Variants in PHF6 observed in about 807,000 individuals in gnomAD.
PHF6 encodes the protein PHD-like zinc finger protein.
In PHF6, 7 loss-of-function variants were observed where a neutral mutation model predicts 34.0. The observed-to-expected ratio is 0.21, with a 90% CI of 0.12 to 0.39. The LOEUF (loss-of-function observed/expected upper bound fraction) is 0.39. Ranked by LOEUF, PHF6 falls within the 10% of genes least tolerant of loss-of-function variation. PHF6 has a pLI of 1.00. For synonymous variants in PHF6, 89 were observed against 88.4 expected (o/e 1.01, Z -0.04); for missense variants, 128 against 262.8 (o/e 0.49, Z 3.55).
intron 3 of PHF6, among the ~76,000 whole-genome samples, chrX:134,387,002 A>AT (rs1242042079): frequency 9.0e-6 from 1 of 111,667 alleles, no homozygotes; most frequent in East Asian, 2.8e-4. Flanking sequence ...CTTCCTGAAG[A>AT]TTTATTCAGT....
At chrX:134,416,121 G>A (rs567615626) in intron 8 of PHF6, among the ~76,000 whole-genome samples, 72 of 109,270 alleles carry the variant, frequency 6.6e-4, no homozygotes, top group African/African-American at 2.3e-3. Flanking sequence ...CAACACGCCT[G>A]GATAATTTTT....
intron 5 of PHF6, among the ~76,000 whole-genome samples, chrX:134,399,108 T>C (rs1414410491): frequency 1.8e-5 from 2 of 111,225 alleles, no homozygotes; most frequent in African/African-American, 6.5e-5. Flanking sequence ...GTCAGATTAG[T>C]GTTACATCCT....
chrX:134,410,428 A>G (rs2077445002), intron 5 of PHF6, among the ~76,000 whole-genome samples: 1 of 111,299 alleles, frequency 9.0e-6, no homozygotes. Context: ...ATGATATATC[A>G]CTTAATTTGC....
chrX:134,411,290 A>G (rs1426324337), intron 5 of PHF6, among the ~76,000 whole-genome samples: 1 of 111,395 alleles, frequency 9.0e-6, no homozygotes, highest in African/African-American at 3.3e-5. Context: ...TTCAGTTTGA[A>G]AGTCTAATAT....
chrX:134,409,462 T>C (rs948586226), intron 5 of PHF6, among the ~76,000 whole-genome samples: 1 of 111,620 alleles, frequency 9.0e-6, no homozygotes, highest in African/African-American at 3.3e-5. Flanking sequence ...TATTCTTTTT[T>C]TCATCTTGTG....
At chrX:134,415,744 CAT>C (rs1384332699) in intron 8 of PHF6, among the ~76,000 whole-genome samples, 1 of 111,050 alleles carries the variant, frequency 9.0e-6, no homozygotes, top group Non-Finnish European at 1.9e-5. Flanking sequence ...AGCCTAGTAA[CAT>C]GTATCTATCC....
intron 3 of PHF6, among the ~76,000 whole-genome samples, chrX:134,386,414 A>ATTTT (rs35350115): frequency 2.1e-5 from 2 of 94,736 alleles, no homozygotes; most frequent in Admixed American, 1.2e-4. Context: ...TTCCCAGATG[A>ATTTT]TTTTTTTTTT....
intron 5 of PHF6, among the ~76,000 whole-genome samples, chrX:134,403,351 CATT>C (rs2077410470): frequency 8.9e-6 from 1 of 112,099 alleles, no homozygotes; most frequent in African/African-American, 3.2e-5. Flanking sequence ...CCAGCCACAA[CATT>C]CCCTTAAGCC....
chrX:134,413,253 TA>T (rs372259751), intron 5 of PHF6, among the ~76,000 whole-genome samples: 14 of 110,002 alleles, frequency 1.3e-4, no homozygotes, highest in African/African-American at 3.0e-4. Flanking sequence ...AAACCTATGG[TA>T]AAAAAAAATA....
At chrX:134,410,186 TC>T (rs759592668) in intron 5 of PHF6, among the ~76,000 whole-genome samples, 1 of 111,754 alleles carries the variant, frequency 8.9e-6, no homozygotes, top group Non-Finnish European at 1.9e-5. Context: ...AAATAGTAGT[TC>T]CGTTTTATGT....
rs746211493 is a variant in PHF6, at chrX:134,425,116, G to A, written c.969-85G>A. On this transcript the variant is annotated intron_variant, in intron 9 of 10. Coordinates refer to ENST00000370803, the MANE Select transcript of PHF6 (RefSeq NM_001015877.2). ...ATGAGGAAACCCATGTTTTAAATGG[G>A]CACTAGCCTCATCCACTAATGTTGG... The A allele has an allele frequency of 7.3e-6, 8 of 1,102,796 alleles. No individual in the cohort carries two copies. In the East Asian group the frequency reaches 9.1e-5, roughly 12 times the overall value. 90.9% of individuals were successfully genotyped at this position (1,102,796 alleles called of 1,213,427 possible). A position where few individuals can be genotyped will look rare whatever the true frequency, so the allele number is the denominator to read the frequency against.
Position 134,413,785 on chromosome X carries a change from G to T in PHF6, c.586-38G>T, listed in dbSNP as rs2077461026. The T allele has an allele frequency of 4.1e-6, 5 of 1,206,865 alleles. No individual in the cohort carries two copies. The Admixed American group carries it at 6.6e-5, about 16-fold the overall frequency. ...TGAAATACCGATAGCATATTTTCATGATTTTTTTTAAGTTCGTTTTTTCTT... is the reference window on the plus strand; with the variant it reads ...TGAAATACCGATAGCATATTTTCATTATTTTTTTTAAGTTCGTTTTTTCTT... On this transcript the variant is annotated intron_variant, in intron 6 of 10. Coordinates refer to ENST00000370803, the MANE Select transcript of PHF6 (RefSeq NM_001015877.2).
intron 3 of PHF6, among the ~76,000 whole-genome samples, chrX:134,388,442 TGACCTC>T (rs1369050253): frequency 9.0e-6 from 1 of 111,611 alleles, no homozygotes; most frequent in Non-Finnish European, 1.9e-5. Context: ...CTCAAGAACG[TGACCTC>T]TTTTTGTACC....
chrX:134,393,003 T>C (rs2077361748), intron 3 of PHF6, among the ~76,000 whole-genome samples: 1 of 111,643 alleles, frequency 9.0e-6, no homozygotes, highest in Non-Finnish European at 1.9e-5. Context: ...TTTCACCATA[T>C]TGGCCAGGCT....
intron 3 of PHF6, among the ~76,000 whole-genome samples, chrX:134,391,141 G>GT (rs2077352388): frequency 9.2e-6 from 1 of 109,156 alleles, no homozygotes. Flanking sequence ...CACCTGGCTA[G>GT]TTTTGTATTT....
chrX:134,386,152 T>C (rs745965809), intron 3 of PHF6, among the ~76,000 whole-genome samples: 1 of 111,413 alleles, frequency 9.0e-6, no homozygotes, highest in South Asian at 3.8e-4. Context: ...CAAAAAATAT[T>C]AAATAAGTAT....
In PHF6 at chrX:134,427,046, CTG is replaced by C. The variant is rs1405407342; in HGVS notation, c.*1389_*1390del. 3 of 154,989 alleles carry C rather than the reference CTG, an allele frequency of 1.9e-5. No homozygotes were observed. Among genetic ancestry groups the C allele is most frequent in the Non-Finnish European group, 2.4e-5 (2 of 83,069 alleles). 12.8% of individuals were successfully genotyped at this position (154,989 alleles called of 1,213,427 possible). ...AAAATGTAACAGGTGGAAAATTACACTGTGCTTAATGACTGATTTTTTTTTAA... is the reference window on the plus strand; with the variant it reads ...AAAATGTAACAGGTGGAAAATTACACTGCTTAATGACTGATTTTTTTTTAA... On this transcript the variant is annotated 3_prime_UTR_variant, in exon 11 of 11. Transcript: ENST00000370803.
intron 5 of PHF6, among the ~76,000 whole-genome samples, chrX:134,397,782 G>C (rs924114852): frequency 1.8e-5 from 2 of 112,238 alleles, no homozygotes. Flanking sequence ...TTCCAGGCCT[G>C]TTAGGTAATT....
intron 3 of PHF6, among the ~76,000 whole-genome samples, chrX:134,389,437 C>G (rs371768049): frequency 1.3e-4 from 14 of 111,440 alleles, no homozygotes; most frequent in East Asian, 1.1e-3. Flanking sequence ...TGCTGAAGGC[C>G]CAGTAGGGAC....
Sources: gnomAD v4.1 joint callset for allele counts (sites outside exome capture counted in the v4.1 genomes callset) on GRCh38, gnomAD v4.1.1 for gene constraint, MANE v1.5 for transcripts, NCBI Gene and HGNC (gene_info 2026-07-23, HGNC 2026-07-21) for gene names.